Variants in CTNNA2 observed in about 807,000 individuals in gnomAD.
CTNNA2 encodes catenin alpha 2.
CTNNA2 carries 42 observed loss-of-function variants against 101.0 expected under a neutral mutation model. The ratio of observed to expected loss-of-function variants is 0.42; its 90% CI spans 0.32 to 0.54. CTNNA2 has a LOEUF of 0.54. Ranked by LOEUF, CTNNA2 falls within the 20% of genes least tolerant of loss-of-function variation. CTNNA2 has a pLI of 0.14. For missense variants in CTNNA2, 871 were observed against 1,223.1 expected, an observed-to-expected ratio of 0.71 and a Z score of 4.29; for synonymous variants, 450 against 456.4, an observed-to-expected ratio of 0.99 and a Z score of 0.18.
At chr2:79,520,254 G>A (rs753802660) in intron 1 of CTNNA2, among the ~76,000 whole-genome samples, 3 of 152,280 alleles carry the variant, frequency 2.0e-5, no homozygotes, top group Non-Finnish European at 2.9e-5. Flanking sequence ...CTTCTCTTCC[G>A]ACTGATCTGC....
intron 7 of CTNNA2, among the ~76,000 whole-genome samples, chr2:80,391,088 C>T (rs375767282): frequency 1.0e-4 from 15 of 148,974 alleles, no homozygotes; most frequent in Middle Eastern, 3.4e-3. Context: ...GCTGAGATTG[C>T]GCCACTGTGC....
At chr2:79,370,664 A>T (rs1473373395) in intron 3 of CTNNA2, among the ~76,000 whole-genome samples, 1 of 152,174 alleles carries the variant, frequency 6.6e-6, no homozygotes, top group Non-Finnish European at 1.5e-5. Context: ...CCCACTGAGA[A>T]TATAATTAAA....
At chr2:79,336,921 T>A (rs1374452308) in intron 3 of CTNNA2, among the ~76,000 whole-genome samples, 1 of 152,186 alleles carries the variant, frequency 6.6e-6, no homozygotes. Flanking sequence ...GTCCATGGGG[T>A]GTGACCAGAC....
At chr2:80,572,406 ATATCCATAGGGATAAACAGTTT>A (rs920270550) in intron 12 of CTNNA2, among the ~76,000 whole-genome samples, 9 of 152,170 alleles carry the variant, frequency 5.9e-5, no homozygotes, top group Admixed American at 6.5e-5. Context: ...TTTATCAGTT[ATATCCATAGGGATAAACAGTTT>A]TATGCCTCTG....
intron 7 of CTNNA2, among the ~76,000 whole-genome samples, chr2:80,205,828 T>C (rs1707497960): frequency 6.6e-6 from 1 of 152,220 alleles, no homozygotes; most frequent in African/African-American, 2.4e-5. Flanking sequence ...ATTTTATTTC[T>C]TTGTAATCCA....
intron 2 of CTNNA2, among the ~76,000 whole-genome samples, chr2:79,307,757 T>C (rs1676279862): frequency 6.6e-6 from 1 of 152,216 alleles, no homozygotes; most frequent in Non-Finnish European, 1.5e-5. Flanking sequence ...TGCTGAAGCA[T>C]ATGGTAGTTC....
At chr2:80,631,788 C>A (rs1192700338) in intron 18 of CTNNA2, among the ~76,000 whole-genome samples, 1 of 152,074 alleles carries the variant, frequency 6.6e-6, no homozygotes, top group Non-Finnish European at 1.5e-5. Context: ...GCGCTTGAAT[C>A]CCTGGTAATT....
chr2:80,081,838 G>A (rs1335639608), intron 7 of CTNNA2, among the ~76,000 whole-genome samples: 1 of 151,570 alleles, frequency 6.6e-6, no homozygotes, highest in Admixed American at 6.6e-5. Context: ...ACATAGCCAA[G>A]TATCCTGTAT....
intron 7 of CTNNA2, among the ~76,000 whole-genome samples, chr2:80,137,177 A>G (rs535517417): frequency 6.6e-6 from 1 of 152,252 alleles, no homozygotes; most frequent in South Asian, 2.1e-4. Context: ...GTTATCTTAT[A>G]AGGCAGAATA....
chr2:80,449,011 G>C (rs1683283123), intron 9 of CTNNA2, among the ~76,000 whole-genome samples: 1 of 152,192 alleles, frequency 6.6e-6, no homozygotes, highest in Non-Finnish European at 1.5e-5. Context: ...CTAAGGCATA[G>C]TCCTATGTAT....
At chr2:80,608,855 G>A (rs1273607172) in intron 17 of CTNNA2, among the ~76,000 whole-genome samples, 1 of 151,808 alleles carries the variant, frequency 6.6e-6, no homozygotes, top group Non-Finnish European at 1.5e-5. Context: ...TAACATAATT[G>A]TCGAACACTA....
intron 7 of CTNNA2, among the ~76,000 whole-genome samples, chr2:80,385,155 G>T (rs1429159938): frequency 1.3e-5 from 2 of 152,180 alleles, no homozygotes; most frequent in Non-Finnish European, 2.9e-5. Context: ...CTAAATGCTT[G>T]TGTCCCCTCA....
chr2:79,775,133 A>G (rs1338961441), intron 3 of CTNNA2, among the ~76,000 whole-genome samples: 1 of 152,294 alleles, frequency 6.6e-6, no homozygotes, highest in South Asian at 2.1e-4. Flanking sequence ...CTCATTTGGT[A>G]TGGTTGACAA....
At chr2:79,412,263 C>A (rs529857920) in intron 4 of CTNNA2, among the ~76,000 whole-genome samples, 4 of 152,170 alleles carry the variant, frequency 2.6e-5, no homozygotes, top group East Asian at 1.9e-4. Flanking sequence ...TAGAGACCAA[C>A]AAAGAGACTT....
At chr2:80,198,911 G>C (rs1396553420) in intron 7 of CTNNA2, among the ~76,000 whole-genome samples, 3 of 152,060 alleles carry the variant, frequency 2.0e-5, no homozygotes, top group African/African-American at 4.8e-5. Flanking sequence ...GGCTGGGCTT[G>C]ATGGTTCATG....
chr2:79,958,290 T>C (rs1452906264), intron 7 of CTNNA2, among the ~76,000 whole-genome samples: 3 of 152,190 alleles, frequency 2.0e-5, no homozygotes, highest in African/African-American at 7.2e-5. Flanking sequence ...TATGAATTAG[T>C]AACAGAACTT....
At chr2:79,908,668 C>A (rs574318663) in intron 6 of CTNNA2, among the ~76,000 whole-genome samples, 3 of 152,142 alleles carry the variant, frequency 2.0e-5, no homozygotes, top group South Asian at 2.1e-4. Flanking sequence ...TTCTGACTAC[C>A]CTTTCTGTCT....
At chr2:79,395,621 G>A (rs1678221512) in intron 4 of CTNNA2, among the ~76,000 whole-genome samples, 2 of 151,976 alleles carry the variant, frequency 1.3e-5, no homozygotes, top group South Asian at 4.2e-4. Context: ...TAAGACTCTT[G>A]GTACATCCAG....
intron 3 of CTNNA2, among the ~76,000 whole-genome samples, chr2:79,753,494 C>T (rs147420801): frequency 1.3e-5 from 2 of 152,328 alleles, no homozygotes; most frequent in African/African-American, 4.8e-5. Flanking sequence ...TCTCCACATT[C>T]TCTTAAGCCA....
Sources: allele counts gnomAD v4.1 joint callset (sites outside exome capture counted in the v4.1 genomes callset), GRCh38; gene constraint gnomAD v4.1.1; transcripts MANE v1.5; gene names NCBI Gene and HGNC (gene_info 2026-07-23, HGNC 2026-07-21).